AREL1: variants seen among roughly 807,000 people sequenced by gnomAD.
AREL1 encodes the protein apoptosis resistant E3 ubiquitin protein ligase 1.
A neutral mutation model predicts 99.0 loss-of-function variants in AREL1; 62 were observed. That is an observed-to-expected ratio of 0.63 (90% CI 0.51 to 0.77). The LOEUF is 0.77. AREL1 is among the 30% of genes least tolerant of loss of function. The pLI is 0.00. For missense variants in AREL1, 879 were observed against 1,027.6 expected (o/e 0.86, Z 1.98); for synonymous variants, 380 against 376.5 (o/e 1.01, Z -0.11).
intron 2 of AREL1, among the ~76,000 whole-genome samples, chr14:74,688,544 T>C (rs1594770728): frequency 6.6e-6 from 1 of 152,186 alleles, no homozygotes. Context: ...CCCACCTCTA[T>C]TCATCATTTA....
chr14:74,678,252 T>G, intron 5 of AREL1: 1 of 453,402 alleles, frequency 2.2e-6, no homozygotes, highest in South Asian at 1.6e-5. Flanking sequence ...ATCCCAACAC[T>G]TTGGAAGGCC....
chr14:74,701,196 G>A (rs1361688493), intron 1 of AREL1, among the ~76,000 whole-genome samples: 1 of 152,134 alleles, frequency 6.6e-6, no homozygotes, highest in East Asian at 1.9e-4. Context: ...AAGGAAAAAG[G>A]CAAATTTTCT....
intron 1 of AREL1, among the ~76,000 whole-genome samples, chr14:74,702,420 G>A (rs1407452779): frequency 6.6e-6 from 1 of 152,200 alleles, no homozygotes; most frequent in African/African-American, 2.4e-5. Context: ...CTTCTGAAGC[G>A]ATGGCCCAAG....
At position 74,673,014 on chromosome 14, in the gene AREL1, C is replaced by G. The variant is rs963005006; in HGVS notation, c.1301-62G>C. 8 of 1,613,856 alleles carry G rather than the reference C, an allele frequency of 5.0e-6. No individual in the cohort carries two copies. In the Admixed American group the frequency reaches 6.7e-5, roughly 13 times the overall value. ...ACAAGCCATCTGTGTAGTCCTGCCT[C>G]TCCACCCTCATGGATGTGGCTGGGC... On this transcript the variant is annotated intron_variant, in intron 10 of 19. Coordinates refer to ENST00000356357, the MANE Select transcript of AREL1 (RefSeq NM_001039479.2).
chr14:74,709,682 T>C (rs1368397556), intron 1 of AREL1, among the ~76,000 whole-genome samples: 6 of 152,256 alleles, frequency 3.9e-5, no homozygotes, highest in Middle Eastern at 3.4e-3. Flanking sequence ...GGCAAGTTAA[T>C]TGAAAAATAA....
intron 1 of AREL1, among the ~76,000 whole-genome samples, chr14:74,695,006 A>G (rs564454697): frequency 1.0e-3 from 157 of 150,774 alleles, no homozygotes; most frequent in South Asian, 5.0e-3. Flanking sequence ...AAAAAAAAAA[A>G]AAAGAAAGAA....
Position 74,672,945 on chromosome 14 carries a change from A to G in AREL1, c.1308T>C (p.Ser436=), listed in dbSNP as rs768682759. ...AGTTCACCTTGTCCTGAAAGGTCTCAGAGCCTCCTGGGGAACAGCAAGATC... is the reference window on the plus strand; with the variant it reads ...AGTTCACCTTGTCCTGAAAGGTCTCGGAGCCTCCTGGGGAACAGCAAGATC... ...IRSLHKNIGG[S]ETFQDKVNFF... Residue 436 remains serine, a synonymous_variant, in exon 11 of 20, where the codon TCT becomes TCC. Coordinates refer to ENST00000356357, the MANE Select transcript of AREL1 (RefSeq NM_001039479.2). 1.2e-6 allele frequency: 2 copies of G among 1,614,074 alleles called. No homozygotes were observed. Among genetic ancestry groups the G allele is most frequent in the Non-Finnish European group, 8.5e-7 (1 of 1,180,024 alleles).
chr14:74,682,134 GGCACTTAA>G (rs1278215190), intron 5 of AREL1, among the ~76,000 whole-genome samples: 5 of 152,216 alleles, frequency 3.3e-5, no homozygotes, highest in Non-Finnish European at 7.3e-5. Flanking sequence ...ATCTGAGTGA[GGCACTTAA>G]GCAAAGGAGA....
rs200783128 is a variant in AREL1 at position 74,684,517 on chromosome 14, G to A, written c.180C>T (p.Cys60=). The stretch of plus-strand genomic sequence containing the variant: ...GGTCCTTCCAATCCCAGGAGACTTT[G>A]CAAGACCGGGGATCCAGGTAATTTC... ...VRGNYLDPRS[C]KVSWDWKDPY... is the part of the protein sequence containing the mutation. Residue 60 remains cysteine, a synonymous_variant, in exon 4 of 20, where the codon TGC becomes TGT. Transcript: ENST00000356357. 31 of 1,614,176 alleles carry A rather than the reference G, an allele frequency of 1.9e-5. No homozygotes were observed. In the African/African-American group the frequency reaches 3.6e-4, roughly 19 times the overall value.
At chr14:74,683,625 A>G (rs2089684032) in intron 4 of AREL1, 92 bp from the exon 5 acceptor site, 2 of 1,146,820 alleles carry the variant, frequency 1.7e-6, no homozygotes, top group East Asian at 4.7e-5. Context: ...AGTAGCTGGC[A>G]GAGACCACAC....
At chr14:74,691,376 C>A (rs574871819) in intron 2 of AREL1, among the ~76,000 whole-genome samples, 2 of 144,034 alleles carry the variant, frequency 1.4e-5, no homozygotes, top group South Asian at 2.3e-4. Context: ...AAGCTCAATG[C>A]TCTTAACCTC....
At chr14:74,682,457 A>G (rs1394618931) in intron 5 of AREL1, among the ~76,000 whole-genome samples, 2 of 152,244 alleles carry the variant, frequency 1.3e-5, no homozygotes, top group Admixed American at 6.5e-5. Flanking sequence ...TACAGTACCC[A>G]AAAGTAGAAA....
At chr14:74,689,283 G>A (rs1041758786) in intron 2 of AREL1, among the ~76,000 whole-genome samples, 3 of 151,960 alleles carry the variant, frequency 2.0e-5, no homozygotes, top group Non-Finnish European at 2.9e-5. Context: ...CCTACCCCAC[G>A]CTATTCTCCT....
At chr14:74,664,131 C>T (rs2089153981) in intron 18 of AREL1, 57 bp from the exon 19 acceptor site, 4 of 1,560,392 alleles carry the variant, frequency 2.6e-6, no homozygotes, top group Admixed American at 1.9e-5. Flanking sequence ...AGGATTAGAT[C>T]CCTGGGGAAG....
intron 17 of AREL1, among the ~76,000 whole-genome samples, chr14:74,665,141 A>G (rs1469913503): frequency 6.6e-6 from 1 of 152,194 alleles, no homozygotes; most frequent in Non-Finnish European, 1.5e-5. Flanking sequence ...AAAGATTCAC[A>G]TGGCTTTTAA....
At position 74,684,577 on chromosome 14, in the gene AREL1, G is replaced by A; in HGVS notation, c.120C>T (p.Arg40=). 6.2e-7 allele frequency: 1 copy of A among 1,614,148 alleles called. No individual in the cohort carries two copies. The highest frequency in any genetic ancestry group is 8.5e-7 in the Non-Finnish European group (1 of 1,180,028). The change falls in exon 4 of 20, where the codon CGC becomes CGT. Residue 40 remains arginine (R), a synonymous_variant. Transcript: ENST00000356357. The part of the protein sequence containing the change: ...VSFLQNEDRE[R]RGDRTIYDYV... ...AGTCATAAATAGTCCGGTCCCCTCG[G>A]CGCTCGCGGTCCTCATTCTGGAGGA...
intron 1 of AREL1, among the ~76,000 whole-genome samples, chr14:74,699,777 G>A (rs1358820822): frequency 6.6e-6 from 1 of 152,176 alleles, no homozygotes; most frequent in African/African-American, 2.4e-5. Flanking sequence ...ATCAAGTGAG[G>A]ACTTGCTGTA....
Position 74,689,225 on chromosome 14 carries a change from T to C in AREL1, c.-46+2816A>G, listed in dbSNP as rs764119516. ...GTTCTGTAAGCATTTTCTGTAAGCA[T>C]GTTCCGACCCTGTTGGGGGCTCTCT... On this transcript the variant is annotated intron_variant, in intron 2 of 19. Transcript: ENST00000356357. 5.7e-4 allele frequency among the ~76,000 whole-genome samples: 87 copies of C among 152,256 alleles called. 1 individual carries two copies. The highest frequency in any genetic ancestry group is 3.4e-3 in the Middle Eastern group (1 of 294).
chr14:74,673,060 T>A lies in AREL1; in HGVS notation c.1300+17A>T. 1 of 1,614,108 alleles carries A rather than the reference T, an allele frequency of 6.2e-7. No individual in the cohort carries two copies. Among genetic ancestry groups the A allele is most frequent in the East Asian group, 2.2e-5 (1 of 44,874 alleles). ...TGGGCTCACTACCTTCCCTATAGAA[T>A]CCCTGTGTAACCTCACCTATGTTCT... On this transcript the variant is annotated intron_variant, in intron 10 of 19. Transcript: ENST00000356357.
Sources: allele counts gnomAD v4.1 joint callset (sites outside exome capture counted in the v4.1 genomes callset), GRCh38; gene constraint gnomAD v4.1.1; transcripts MANE v1.5; gene names NCBI Gene and HGNC (gene_info 2026-07-23, HGNC 2026-07-21).